The following LATS1 variants were observed in gnomAD, a reference collection of about 807,000 sequenced individuals.
LATS1 encodes large tumor suppressor kinase 1.
LATS1 carries 25 observed loss-of-function variants against 106.6 expected under a neutral mutation model. That is an observed-to-expected ratio of 0.23 (90% confidence interval 0.17 to 0.33). LATS1 has a LOEUF of 0.33. LATS1 is among the 10% of genes least tolerant of loss of function. The pLI is 1.00. For synonymous variants in LATS1, 465 were observed against 455.6 expected, an observed-to-expected ratio of 1.02 and a Z score of -0.26; for missense variants, 1,040 against 1,382.6, an observed-to-expected ratio of 0.75 and a Z score of 3.93.
chr6:149,699,806 C>T (rs1365172699), intron 2 of LATS1, among the ~76,000 whole-genome samples: 1 of 152,126 alleles, frequency 6.6e-6, no homozygotes, highest in East Asian at 1.9e-4. Flanking sequence ...GTGGGGTGCA[C>T]ACATAGTAAG....
Position 149,676,239 on chromosome 6 carries a change from GATATAGATGCCAT to G in LATS1, c.2883+8_2883+20del, listed in dbSNP as rs1240936007. The G allele has an allele frequency of 6.8e-7, 1 of 1,464,796 alleles. No homozygotes were observed. The highest frequency in any genetic ancestry group is 9.6e-7 in the Non-Finnish European group (1 of 1,044,258). 90.7% of individuals were successfully genotyped at this position (1,464,796 alleles called of 1,614,324 possible). ...GTAGCAACTTTGTGAGAATTCTTTT[GATATAGATGCCAT>G]ACCTTACCTTCATTTGTGTTTCTAA... On this transcript the variant is annotated splice_region_variant and intron_variant, in intron 7 of 7. Transcript: ENST00000543571.
Position 149,666,015 on chromosome 6 carries a change from G to A in LATS1, c.2884-3777C>T, listed in dbSNP as rs143721917. On this transcript the variant is annotated intron_variant, in intron 7 of 7. Transcript: ENST00000543571. ...AAATTAGCTGGGCATGGTAGCACAC[G>A]CCTGTAGTCCTAGCTACCTGGGAGG... Among the ~76,000 whole-genome samples, 249 of 151,496 alleles carry A rather than the reference G, an allele frequency of 1.6e-3. 1 individual carries two copies. The highest frequency in any genetic ancestry group is 5.7e-3 in the African/African-American group (234 of 41,280).
At chr6:149,668,417 C>A (rs1213200538) in intron 7 of LATS1, among the ~76,000 whole-genome samples, 1 of 149,932 alleles carries the variant, frequency 6.7e-6, no homozygotes, top group Non-Finnish European at 1.5e-5. Context: ...TCCAGGTAAA[C>A]ATAAATGACT....
At chr6:149,706,428 T>G (rs1301624332) in intron 1 of LATS1, among the ~76,000 whole-genome samples, 1 of 151,678 alleles carries the variant, frequency 6.6e-6, no homozygotes, top group Non-Finnish European at 1.5e-5. Context: ...GAGGATCACT[T>G]GAGCCCAGGA....
At chr6:149,691,020 A>G (rs1782717490) in intron 3 of LATS1, among the ~76,000 whole-genome samples, 2 of 151,928 alleles carry the variant, frequency 1.3e-5, no homozygotes, top group South Asian at 4.2e-4. Flanking sequence ...TTACTACTAC[A>G]TATCCTATTT....
intron 1 of LATS1, among the ~76,000 whole-genome samples, chr6:149,706,754 C>G (rs1783794883): frequency 6.6e-6 from 1 of 152,048 alleles, no homozygotes; most frequent in South Asian, 2.1e-4. Flanking sequence ...CAGCAGCCAA[C>G]AGAAGCTGGA....
At position 149,658,534 on chromosome 6, in the gene LATS1, A is replaced by C. The variant is rs2114666344; in HGVS notation, c.*3195T>G. On this transcript the variant is annotated 3_prime_UTR_variant, in exon 8 of 8. Coordinates refer to ENST00000543571, the MANE Select transcript of LATS1 (RefSeq NM_004690.4). ...CTAAATGTTCCACTTTAAATACCAAAGGGATGTTTATTAAAAATTTTTTAT... is the reference window on the plus strand; with the variant it reads ...CTAAATGTTCCACTTTAAATACCAACGGGATGTTTATTAAAAATTTTTTAT... 1 of 152,332 alleles carries C rather than the reference A, an allele frequency of 6.6e-6. No individual in the cohort carries two copies. Among genetic ancestry groups the C allele is most frequent in the Admixed American group, 6.5e-5 (1 of 15,304 alleles). 9.4% of individuals were successfully genotyped at this position (152,332 alleles called of 1,614,324 possible).
chr6:149,684,677 T>C, intron 3 of LATS1, 85 bp from the exon 4 acceptor site: 23 of 868,316 alleles, frequency 2.6e-5, no homozygotes, highest in Non-Finnish European at 3.9e-5. Context: ...AATTCTGATA[T>C]TACAAATGAT....
At chr6:149,662,603 A>G (rs1456019131) in intron 7 of LATS1, among the ~76,000 whole-genome samples, 1 of 152,076 alleles carries the variant, frequency 6.6e-6, no homozygotes, top group Admixed American at 6.6e-5. Context: ...ATTATGTTTT[A>G]GTGGTCTTTG....
Position 149,670,440 on chromosome 6 carries a change from G to GA in LATS1, c.2883+5819dup, listed in dbSNP as rs1384197271. Among the ~76,000 whole-genome samples, 3 of 152,078 alleles carry GA rather than the reference G, an allele frequency of 2.0e-5. No individual in the cohort carries two copies. The East Asian group carries it at 5.8e-4, about 29-fold the overall frequency. ...CTGATCAGATACTTACAGCAGCCAG[G>GA]AGAGTGCTTCATGAAGGGAGAGGCT... On this transcript the variant is annotated intron_variant, in intron 7 of 7. Coordinates refer to ENST00000543571, the MANE Select transcript of LATS1 (RefSeq NM_004690.4).
rs1258993182 is a variant in LATS1 at position 149,660,648 on chromosome 6, CTTAAATAAAT to C, written c.*1071_*1080del. The stretch of plus-strand genomic sequence containing the variant: ...AGGCATGTTGAACGCATTATTGAAC[CTTAAATAAAT>C]TAGGAGGACTTGAATTTTCTACTAA... On this transcript the variant is annotated 3_prime_UTR_variant, in exon 8 of 8. Coordinates refer to ENST00000543571, the MANE Select transcript of LATS1 (RefSeq NM_004690.4). 1 of 231,158 alleles carries C rather than the reference CTTAAATAAAT, an allele frequency of 4.3e-6. No homozygotes were observed. The highest frequency in any genetic ancestry group is 8.5e-6 in the Non-Finnish European group (1 of 116,964). The allele number at this position is 231,158 out of a possible 1,614,324, so 14.3% of individuals were successfully genotyped here. A position where few individuals can be genotyped will look rare whatever the true frequency, so the allele number is the denominator to read the frequency against.
chr6:149,686,317 G>A (rs1664396518), intron 3 of LATS1, among the ~76,000 whole-genome samples: 1 of 152,196 alleles, frequency 6.6e-6, no homozygotes, highest in Non-Finnish European at 1.5e-5. Context: ...AACTGGACAA[G>A]TCCTCTGGCC....
chr6:149,717,088 T>C (rs897814688), intron 1 of LATS1, among the ~76,000 whole-genome samples: 12 of 152,212 alleles, frequency 7.9e-5, no homozygotes, highest in African/African-American at 2.9e-4. Context: ...AGATTATACT[T>C]ATTGTTCACT....
chr6:149,693,731 AAAT>A (rs1782906690), intron 3 of LATS1, among the ~76,000 whole-genome samples: 1 of 152,298 alleles, frequency 6.6e-6, no homozygotes, highest in Admixed American at 6.5e-5. Flanking sequence ...AAACAGACAA[AAAT>A]AATAATACCG....
At chr6:149,670,464 C>T (rs1464045595) in intron 7 of LATS1, among the ~76,000 whole-genome samples, 1 of 151,942 alleles carries the variant, frequency 6.6e-6, no homozygotes, top group Non-Finnish European at 1.5e-5. Flanking sequence ...AAGGGAGAGG[C>T]TGCTAAAATT....
rs1473749927 is a variant in LATS1, at chr6:149,683,549, G to C, written c.1540C>G (p.Pro514Ala). ...TGTGGTATCCAAGAAGGGTGTGTAG[G>C]TGCTAAAGCAGTCTGTAGCTCTGGT... is the stretch of plus-strand genomic sequence containing the variant. ...LKPELQTALAPTHPSWIPQPI... is the reference protein window; with the variant it reads ...LKPELQTALAATHPSWIPQPI... Residue 514 changes from proline (P) to alanine (A), a missense_variant, in exon 4 of 8, where the codon CCT becomes GCT. By Grantham distance (27) the Pro-to-Ala change is conservative. This residue lies in a region of LATS1 where 624 missense variants were observed against 714.8 expected (regional missense o/e 0.87). Coordinates refer to ENST00000543571, the MANE Select transcript of LATS1 (RefSeq NM_004690.4). The C allele has an allele frequency of 6.2e-7, 1 of 1,614,240 alleles. No individual in the cohort carries two copies. The highest frequency in any genetic ancestry group is 1.1e-5 in the South Asian group (1 of 91,090).
chr6:149,693,892 C>T (rs1329501569), intron 3 of LATS1, among the ~76,000 whole-genome samples: 2 of 152,046 alleles, frequency 1.3e-5, no homozygotes, highest in Non-Finnish European at 2.9e-5. Flanking sequence ...GAGTTCAAGA[C>T]CAGTCTGGCC....
chr6:149,680,397 T>C lies in LATS1; in HGVS notation c.2071A>G (p.Asn691Asp). 6.2e-7 allele frequency: 1 copy of C among 1,613,764 alleles called. No homozygotes were observed. The highest frequency in any genetic ancestry group is 8.5e-7 in the Non-Finnish European group (1 of 1,179,892). ...TTAGCCCTTTTAAGACGGATGTAAT[T>C]AGATTCTTTTTGGCAAAGCATCTTT... ...MRKMLCQKES[N>D]YIRLKRAKMD... Residue 691 changes from asparagine to aspartate, a missense_variant, in exon 5 of 8, where the codon AAT becomes GAT. Transcript: ENST00000543571.
At chr6:149,669,059 G>C (rs1272858524) in intron 7 of LATS1, among the ~76,000 whole-genome samples, 1 of 151,968 alleles carries the variant, frequency 6.6e-6, no homozygotes, top group Non-Finnish European at 1.5e-5. Context: ...CTGGGTTCCA[G>C]TGTTCTTCCT....
Sources: gnomAD v4.1 joint callset for allele counts (sites outside exome capture counted in the v4.1 genomes callset) on GRCh38, gnomAD v4.1.1 for gene constraint, gnomAD v4.1.1 regional missense constraint, MANE v1.5 for transcripts, NCBI Gene and HGNC (gene_info 2026-07-23, HGNC 2026-07-21) for gene names.